The following SLC45A4 variants were observed in gnomAD, a reference collection of about 807,000 sequenced individuals.
SLC45A4 encodes polyamine-transporter SLC45A4.
In SLC45A4, 32 loss-of-function variants were observed where a neutral mutation model predicts 63.7. The ratio of observed to expected loss-of-function variants is 0.50; its 90% CI spans 0.38 to 0.67. SLC45A4 has a LOEUF of 0.67. Ranked by LOEUF, SLC45A4 falls within the 30% of genes least tolerant of loss-of-function variation. The pLI is 0.00. For synonymous variants in SLC45A4, 535 were observed against 510.0 expected (o/e 1.05, Z -0.66); for missense variants, 1,027 against 1,157.7 (o/e 0.89, Z 1.64).
At position 141,251,607 on chromosome 8, in the gene SLC45A4, C is replaced by T. The variant is rs894547537; in HGVS notation, c.241+2382G>A. On this transcript the variant is annotated intron_variant, in intron 2 of 8. Transcript: ENST00000517878. ...CGAGCTGCGCCCGGTCTCCTACGTC[C>T]GAGCCCCCGACCCTCCAGAAGAGTC... Among the ~76,000 whole-genome samples, 5 of 151,990 alleles carry T rather than the reference C, an allele frequency of 3.3e-5. No individual in the cohort carries two copies. The South Asian group carries it at 6.2e-4, about 19-fold the overall frequency.
At chr8:141,286,396 A>C (rs1422360957) in intron 1 of SLC45A4, among the ~76,000 whole-genome samples, 1 of 152,190 alleles carries the variant, frequency 6.6e-6, no homozygotes, top group African/African-American at 2.4e-5. Context: ...GGTTGTTACA[A>C]GCAGAGCCAG....
intron 1 of SLC45A4, among the ~76,000 whole-genome samples, chr8:141,304,030 ACT>A (rs1204221286): frequency 2.0e-5 from 3 of 152,000 alleles, no homozygotes; most frequent in Non-Finnish European, 4.4e-5. Flanking sequence ...CTCCCGACAG[ACT>A]CTGAGAGTGA....
intron 2 of SLC45A4, among the ~76,000 whole-genome samples, chr8:141,235,201 T>C (rs554328256): frequency 3.3e-4 from 50 of 152,298 alleles, no homozygotes; most frequent in Admixed American, 6.5e-4. Context: ...CCAGGTGATA[T>C]GAAACCAGCA....
At chr8:141,243,618 C>A (rs767990606) in intron 2 of SLC45A4, among the ~76,000 whole-genome samples, 4 of 152,138 alleles carry the variant, frequency 2.6e-5, no homozygotes, top group Non-Finnish European at 5.9e-5. Flanking sequence ...GTGCTCCAGC[C>A]TGGGCGACAG....
chr8:141,267,048 G>A (rs556012653), intron 1 of SLC45A4, among the ~76,000 whole-genome samples: 1 of 152,346 alleles, frequency 6.6e-6, no homozygotes, highest in East Asian at 1.9e-4. Context: ...ACAGCGGTGG[G>A]CAGGTCCCTG....
chr8:141,260,609 A>G (rs1050661629), intron 1 of SLC45A4, among the ~76,000 whole-genome samples: 1 of 152,260 alleles, frequency 6.6e-6, no homozygotes, highest in Admixed American at 6.5e-5. Flanking sequence ...ATAAAGTTTA[A>G]AACTAGAAAA....
intron 5 of SLC45A4, among the ~76,000 whole-genome samples, chr8:141,217,685 G>A (rs967776812): frequency 6.6e-6 from 1 of 152,216 alleles, no homozygotes; most frequent in African/African-American, 2.4e-5. Flanking sequence ...ATGGTCAACA[G>A]CAGGCCATTA....
intron 2 of SLC45A4, among the ~76,000 whole-genome samples, chr8:141,237,302 T>C (rs1365134244): frequency 1.3e-5 from 2 of 152,158 alleles, no homozygotes; most frequent in Non-Finnish European, 1.5e-5. Flanking sequence ...AACACCACTC[T>C]GCACTGAGCT....
intron 1 of SLC45A4, among the ~76,000 whole-genome samples, chr8:141,302,991 GTCTT>G (rs1830794440): frequency 9.0e-6 from 1 of 111,568 alleles, no homozygotes; most frequent in Non-Finnish European, 1.7e-5. Flanking sequence ...GCCTTACAAT[GTCTT>G]TTTTTTTTTT....
intron 1 of SLC45A4, among the ~76,000 whole-genome samples, chr8:141,257,307 A>T (rs1298578688): frequency 6.6e-6 from 1 of 152,230 alleles, no homozygotes; most frequent in East Asian, 1.9e-4. Flanking sequence ...TCAGTCTGTC[A>T]ATCTTGTACC....
At chr8:141,271,862 C>T (rs745939065) in intron 1 of SLC45A4, among the ~76,000 whole-genome samples, 22 of 150,038 alleles carry the variant, frequency 1.5e-4, no homozygotes, top group Non-Finnish European at 3.1e-4. Context: ...CACACACACA[C>T]GCACTCACAC....
intron 2 of SLC45A4, chr8:141,224,939 C>G (rs1473855762): frequency 6.6e-6 from 1 of 152,246 alleles, no homozygotes; most frequent in Non-Finnish European, 1.5e-5. Flanking sequence ...CCCCTCCAAT[C>G]TGCTGTTAAC....
intron 2 of SLC45A4, among the ~76,000 whole-genome samples, chr8:141,240,534 A>G (rs1050256296): frequency 1.3e-5 from 2 of 152,196 alleles, no homozygotes; most frequent in African/African-American, 2.4e-5. Context: ...GTCGGCTCCC[A>G]AAGAGTTCCA....
At chr8:141,281,802 C>T (rs1829957651) in intron 1 of SLC45A4, among the ~76,000 whole-genome samples, 1 of 152,178 alleles carries the variant, frequency 6.6e-6, no homozygotes, top group Admixed American at 6.5e-5. Flanking sequence ...AGGATTTTTA[C>T]CCAGTTGTCA....
chr8:141,273,880 A>T (rs1829630160), intron 1 of SLC45A4, among the ~76,000 whole-genome samples: 1 of 152,180 alleles, frequency 6.6e-6, no homozygotes, highest in African/African-American at 2.4e-5. Context: ...CGTGTGTTTG[A>T]AGGGAAGTAT....
In SLC45A4 at chr8:141,212,138, G is replaced by GGCCCC; in HGVS notation, c.2301+58_2301+59insGGGGC. On this transcript the variant is annotated intron_variant, in intron 8 of 8. Transcript: ENST00000517878. ...CTCCCGCCCATGGCCTGGCCCCGCC[G>GGCCCC]CCCGCCCGCCCGCCCACCCGCCCAC... 1.4e-5 allele frequency: 9 copies of GGCCCC among 664,734 alleles called. No individual in the cohort carries two copies. The South Asian group carries it at 2.4e-4, about 18-fold the overall frequency. 41.2% of individuals were successfully genotyped at this position (664,734 alleles called of 1,614,324 possible).
intron 5 of SLC45A4, 131 bp downstream of exon 5, chr8:141,217,880 C>G: frequency 1.7e-6 from 2 of 1,150,854 alleles, no homozygotes; most frequent in Non-Finnish European, 2.4e-6. Context: ...CTCACCTGCA[C>G]GGGAGGCACT....
At position 141,254,697 on chromosome 8, in the gene SLC45A4, C is replaced by T. The variant is rs1190073022; in HGVS notation, c.-400-68G>A. On this transcript the variant is annotated intron_variant, in intron 1 of 8. Coordinates refer to ENST00000517878, the MANE Select transcript of SLC45A4 (RefSeq NM_001286646.2). This position sits in a 1 kb window ranked among gnomAD's most constrained non-coding sequence, Gnocchi z 4.5. ...GCCACCAGATGGCCCTGTGGACCGCCGCCCGACCCCCGAGCAAGCCGTGTG... is the reference window on the plus strand; with the variant it reads ...GCCACCAGATGGCCCTGTGGACCGCTGCCCGACCCCCGAGCAAGCCGTGTG... 18 of 692,986 alleles carry T rather than the reference C, an allele frequency of 2.6e-5. No homozygotes were observed. The highest frequency in any genetic ancestry group is 1.2e-4 in the Admixed American group (6 of 49,644). The allele number at this position is 692,986 out of a possible 1,614,324, so 42.9% of individuals were successfully genotyped here.
chr8:141,285,695 CTG>C (rs760881675), intron 1 of SLC45A4, among the ~76,000 whole-genome samples: 17 of 152,240 alleles, frequency 1.1e-4, no homozygotes, highest in Non-Finnish European at 2.4e-4. Flanking sequence ...CAGGACAAGA[CTG>C]AGAGGCAGGA....
Sources: allele counts gnomAD v4.1 joint callset (sites outside exome capture counted in the v4.1 genomes callset), GRCh38; gene constraint gnomAD v4.1.1; non-coding constraint Gnocchi (gnomAD v3.1); transcripts MANE v1.5; gene names NCBI Gene and HGNC (gene_info 2026-07-23, HGNC 2026-07-21).